Variants in LRPPRC observed in about 807,000 individuals in gnomAD.
The protein encoded by LRPPRC is leucine rich pentatricopeptide repeat containing, also known as leucine-rich PPR motif-containing protein, mitochondrial.
A neutral mutation model predicts 180.3 loss-of-function variants in LRPPRC; 120 were observed. The ratio of observed to expected loss-of-function variants is 0.67; its 90% CI spans 0.57 to 0.77. The LOEUF is 0.77. LRPPRC is among the 30% of genes least tolerant of loss of function. LRPPRC has a pLI of 0.00. For missense variants in LRPPRC, 2,012 were observed against 1,657.2 expected, an observed-to-expected ratio of 1.21 and a Z score of -3.72; for synonymous variants, 723 against 600.0, an observed-to-expected ratio of 1.21 and a Z score of -3.00.
chr2:43,890,311 C>G (rs1389793552), intron 36 of LRPPRC: 1 of 466,744 alleles, frequency 2.1e-6, no homozygotes, highest in African/African-American at 2.0e-5. Context: ...ATGTAGAAAT[C>G]TACATCAACA....
chr2:43,916,428 A>G (rs1671469612), intron 29 of LRPPRC, among the ~76,000 whole-genome samples: 1 of 152,184 alleles, frequency 6.6e-6, no homozygotes, highest in Non-Finnish European at 1.5e-5. Context: ...GTCTTCAGGA[A>G]AGTTTAATAC....
At position 43,947,978 on chromosome 2, in the gene LRPPRC, CA is replaced by C. The variant is rs1174266607; in HGVS notation, c.1920+143del. The C allele has an allele frequency of 7.5e-6, 5 of 664,302 alleles. No homozygotes were observed. The Admixed American group carries it at 1.0e-4, about 14-fold the overall frequency. The allele number at this position is 664,302 out of a possible 1,614,324, so 41.2% of individuals were successfully genotyped here. A position where few individuals can be genotyped will look rare whatever the true frequency, so the allele number is the denominator to read the frequency against. The stretch of plus-strand genomic sequence containing the variant: ...TGAATATATAAATAGTATTTATGAA[CA>C]ATCAATGAAAAGCTTCGTTTTAATG... On this transcript the variant is annotated intron_variant, in intron 18 of 37. Transcript: ENST00000260665.
At chr2:43,933,668 A>C (rs1421478839) in intron 25 of LRPPRC, among the ~76,000 whole-genome samples, 1 of 152,146 alleles carries the variant, frequency 6.6e-6, no homozygotes, top group Non-Finnish European at 1.5e-5. Context: ...CAGGTTTGTC[A>C]CCTACCATTT....
At chr2:43,958,190 G>A (rs977965185) in intron 13 of LRPPRC, among the ~76,000 whole-genome samples, 1 of 152,126 alleles carries the variant, frequency 6.6e-6, no homozygotes, top group African/African-American at 2.4e-5. Flanking sequence ...GATCACAGTA[G>A]GCATTCCCTG....
At chr2:43,947,419 A>G in intron 19 of LRPPRC, 49 bp from the exon 20 acceptor site, 1 of 905,484 alleles carries the variant, frequency 1.1e-6, no homozygotes, top group East Asian at 2.4e-5. Flanking sequence ...AAGGAAATAT[A>G]GTATGCCTTT....
rs1199654986 is a variant in LRPPRC, at chr2:43,925,991, A to G, written c.2737-30T>C. Reference sequence around the variant, plus strand: ...AAAATAAAATAATCACATAGCACCCAAGGTAAGGCTTCGGCTGAATATTAT... The same window carrying G: ...AAAATAAAATAATCACATAGCACCCGAGGTAAGGCTTCGGCTGAATATTAT... On this transcript the variant is annotated intron_variant, in intron 25 of 37. Coordinates refer to ENST00000260665, the MANE Select transcript of LRPPRC (RefSeq NM_133259.4). 2.3e-6 allele frequency: 3 copies of G among 1,296,162 alleles called. No homozygotes were observed. In the Admixed American group the frequency reaches 5.0e-5, roughly 22 times the overall value. The allele number at this position is 1,296,162 out of a possible 1,614,324, so 80.3% of individuals were successfully genotyped here.
intron 27 of LRPPRC, among the ~76,000 whole-genome samples, chr2:43,918,664 T>C (rs913550145): frequency 6.6e-6 from 1 of 151,598 alleles, no homozygotes. Flanking sequence ...TCCAATCATG[T>C]TGATAAGAAG....
At chr2:43,930,636 A>T (rs1475607056) in intron 25 of LRPPRC, among the ~76,000 whole-genome samples, 2 of 152,166 alleles carry the variant, frequency 1.3e-5, no homozygotes, top group Admixed American at 6.6e-5. Context: ...ATCATAATTT[A>T]CATCTTTACC....
At chr2:43,889,452 A>C (rs2104969527) in intron 37 of LRPPRC, among the ~76,000 whole-genome samples, 1 of 152,248 alleles carries the variant, frequency 6.6e-6, no homozygotes, top group Non-Finnish European at 1.5e-5. Flanking sequence ...TCCTATTTCA[A>C]GTTGAAATGA....
chr2:43,927,586 T>C (rs1415594262), intron 25 of LRPPRC, among the ~76,000 whole-genome samples: 1 of 152,210 alleles, frequency 6.6e-6, no homozygotes, highest in Non-Finnish European at 1.5e-5. Context: ...TGTCAATATA[T>C]ACTAAAAGCC....
intron 3 of LRPPRC, 30 bp from the exon 4 acceptor site, chr2:43,977,306 G>C: frequency 1.3e-6 from 2 of 1,557,264 alleles, no homozygotes; most frequent in Non-Finnish European, 1.8e-6. Context: ...TGAATTTTTA[G>C]AAAAGCATTG....
intron 27 of LRPPRC, among the ~76,000 whole-genome samples, chr2:43,922,440 T>C (rs1407052274): frequency 3.9e-5 from 6 of 152,146 alleles, no homozygotes; most frequent in African/African-American, 1.2e-4. Context: ...TAACTACTAA[T>C]CCAATCTCTT....
rs181548238 is a variant in LRPPRC at position 43,906,317 on chromosome 2, A to C, written c.3276-537T>G. ...CAGTTTCTGAAGCTGAACATACTGC[A>C]GAACTCAAACTATTGGTACTTTAAA... On this transcript the variant is annotated intron_variant, in intron 30 of 37. Transcript: ENST00000260665. 3.9e-5 allele frequency among the ~76,000 whole-genome samples: 6 copies of C among 152,356 alleles called. No individual in the cohort carries two copies. In the East Asian group the frequency reaches 1.2e-3, roughly 29 times the overall value.
At chr2:43,927,083 C>T (rs1671906279) in intron 25 of LRPPRC, among the ~76,000 whole-genome samples, 1 of 152,180 alleles carries the variant, frequency 6.6e-6, no homozygotes, top group African/African-American at 2.4e-5. Flanking sequence ...ATTTGTCACT[C>T]TATAGTATTT....
intron 1 of LRPPRC, among the ~76,000 whole-genome samples, chr2:43,991,284 G>A (rs1379099059): frequency 6.6e-5 from 10 of 151,990 alleles, no homozygotes; most frequent in South Asian, 6.2e-4. Flanking sequence ...TGCCCGCCTC[G>A]GCCTCCCAAA....
intron 27 of LRPPRC, among the ~76,000 whole-genome samples, chr2:43,923,735 A>G (rs1425811768): frequency 6.7e-6 from 1 of 150,024 alleles, no homozygotes; most frequent in African/African-American, 2.5e-5. Flanking sequence ...CCAAGTTTAT[A>G]TAGTCTTCCA....
chr2:43,894,808 C>T (rs886445528), intron 35 of LRPPRC, among the ~76,000 whole-genome samples, 179 bp from the exon 36 acceptor site: 1 of 152,190 alleles, frequency 6.6e-6, no homozygotes, highest in South Asian at 2.1e-4. Context: ...TAATCTACAG[C>T]TAAAAGAAAC....
chr2:43,976,947 A>C, intron 5 of LRPPRC, 47 bp downstream of exon 5: 1 of 1,484,914 alleles, frequency 6.7e-7, no homozygotes, highest in Non-Finnish European at 9.4e-7. Context: ...TTAGATTTAC[A>C]AAATGTACAA....
At chr2:43,946,264 G>GA in intron 20 of LRPPRC, 21 bp from the exon 21 acceptor site, 1 of 1,598,574 alleles carries the variant, frequency 6.3e-7, no homozygotes, top group Non-Finnish European at 8.6e-7. Flanking sequence ...GCATAGATGT[G>GA]AAAAAGAAGA....
Sources: allele counts gnomAD v4.1 joint callset (sites outside exome capture counted in the v4.1 genomes callset), GRCh38; gene constraint gnomAD v4.1.1; transcripts MANE v1.5; gene names NCBI Gene and HGNC (gene_info 2026-07-23, HGNC 2026-07-21).